Variants in TRPM3 observed in about 807,000 individuals in gnomAD.
The protein encoded by TRPM3 is transient receptor potential cation channel subfamily M member 3, also known as long transient receptor potential channel 3.
In TRPM3, 77 loss-of-function variants were observed where a neutral mutation model predicts 181.2. The observed-to-expected ratio is 0.42, with a 90% CI of 0.35 to 0.51. TRPM3 has a LOEUF of 0.51. TRPM3 is among the 20% of genes least tolerant of loss of function. TRPM3 has a pLI of 0.01. For synonymous variants in TRPM3, 745 were observed against 796.4 expected (o/e 0.94, Z 1.09); for missense variants, 1,759 against 2,196.7 (o/e 0.80, Z 3.98).
At chr9:71,371,502 A>G (rs1230820299) in intron 1 of TRPM3, among the ~76,000 whole-genome samples, 1 of 152,226 alleles carries the variant, frequency 6.6e-6, no homozygotes, top group Admixed American at 6.5e-5. Context: ...CAAGAGAACT[A>G]GAATGAGAAG....
intron 5 of TRPM3, among the ~76,000 whole-genome samples, chr9:70,829,059 A>G (rs2093732243): frequency 6.6e-6 from 1 of 152,198 alleles, no homozygotes; most frequent in African/African-American, 2.4e-5. Flanking sequence ...TAATTGCTAC[A>G]TGGTCTTAGT....
chr9:71,216,585 T>C (rs949197999), intron 1 of TRPM3, among the ~76,000 whole-genome samples: 2 of 152,238 alleles, frequency 1.3e-5, no homozygotes, highest in African/African-American at 4.8e-5. Context: ...TAGTTAATTG[T>C]TCTATAGGGC....
chr9:71,200,045 T>A (rs943315412), intron 1 of TRPM3, among the ~76,000 whole-genome samples: 1 of 152,230 alleles, frequency 6.6e-6, no homozygotes, highest in South Asian at 2.1e-4. Flanking sequence ...CTGCTTTGAA[T>A]GTGTCCCAGA....
intron 1 of TRPM3, among the ~76,000 whole-genome samples, chr9:71,182,809 G>C (rs994973729): frequency 1.3e-5 from 2 of 151,924 alleles, no homozygotes; most frequent in African/African-American, 4.8e-5. Context: ...TTACAGGCAC[G>C]CATCACCACT....
At position 70,811,102 on chromosome 9, in the gene TRPM3, T is replaced by G. The variant is rs1206610400; in HGVS notation, c.973+16745A>C. On this transcript the variant is annotated intron_variant, in intron 6 of 25. Coordinates refer to ENST00000677713, the MANE Select transcript of TRPM3 (RefSeq NM_001366145.2). Reference sequence around the variant, plus strand: ...TACTGTTAGGAAATTATAAAGGAAATGAAGACTTCTGTGGTTAATTTCTTG... The same window carrying G: ...TACTGTTAGGAAATTATAAAGGAAAGGAAGACTTCTGTGGTTAATTTCTTG... The G allele has an allele frequency of 2.4e-6, 3 of 1,255,380 alleles. No homozygotes were observed. The East Asian group carries it at 7.3e-5, about 31-fold the overall frequency. 77.8% of individuals were successfully genotyped at this position (1,255,380 alleles called of 1,614,324 possible). A position where few individuals can be genotyped will look rare whatever the true frequency, so the allele number is the denominator to read the frequency against.
At chr9:71,207,652 C>A (rs2079206796) in intron 1 of TRPM3, among the ~76,000 whole-genome samples, 1 of 152,068 alleles carries the variant, frequency 6.6e-6, no homozygotes, top group African/African-American at 2.4e-5. Context: ...ATTCTCCACA[C>A]AGTAATGAAT....
intron 1 of TRPM3, among the ~76,000 whole-genome samples, chr9:71,014,389 T>A (rs993913174): frequency 6.6e-6 from 1 of 152,102 alleles, no homozygotes. Context: ...AACTTTGATA[T>A]ACAAAAAAAT....
chr9:70,686,535 T>A (rs1202174628), intron 8 of TRPM3, among the ~76,000 whole-genome samples: 1 of 152,084 alleles, frequency 6.6e-6, no homozygotes, highest in African/African-American at 2.4e-5. Context: ...CTGAAATAAC[T>A]GTTCATAGTG....
In TRPM3 at chr9:71,295,138, C is replaced by T. The variant is rs533738074; in HGVS notation, c.183+151515G>A. 2.6e-5 allele frequency among the ~76,000 whole-genome samples: 4 copies of T among 152,128 alleles called. No homozygotes were observed. The South Asian group carries it at 8.3e-4, about 32-fold the overall frequency. ...TGTACATGTGATATATCTCATAATA[C>T]TTTTTGCAAAATGCATAACTGTATG... On this transcript the variant is annotated intron_variant, in intron 1 of 24. Coordinates refer to the TRPM3 transcript ENST00000357533.
At chr9:70,988,898 C>G (rs2097448488) in intron 1 of TRPM3, among the ~76,000 whole-genome samples, 1 of 152,114 alleles carries the variant, frequency 6.6e-6, no homozygotes, top group Non-Finnish European at 1.5e-5. Flanking sequence ...AAAAGGATTT[C>G]CTTTCCACAC....
In TRPM3 at chr9:70,531,886, C is replaced by T. The variant is rs2040927411; in HGVS notation, c.*4067G>A. The T allele has an allele frequency of 6.6e-6, 1 of 152,068 alleles. No individual in the cohort carries two copies. Among genetic ancestry groups the T allele is most frequent in the African/African-American group, 2.4e-5 (1 of 41,406 alleles). 9.4% of individuals were successfully genotyped at this position (152,068 alleles called of 1,614,324 possible). ...TGGTCCAAAGGAACATGAAAAGCAT[C>T]AAGCAGATCAGGAACAAAAATGCCC... On this transcript the variant is annotated 3_prime_UTR_variant, in exon 26 of 26. Coordinates refer to ENST00000677713, the MANE Select transcript of TRPM3 (RefSeq NM_001366145.2).
At chr9:70,618,841 A>G (rs759613147) in intron 17 of TRPM3, 26 bp downstream of exon 17, 2 of 1,595,360 alleles carry the variant, frequency 1.3e-6, no homozygotes, top group African/African-American at 2.7e-5. Context: ...CCTCATAGCC[A>G]GGAGGGCCTT....
chr9:71,140,678 C>A (rs1287559190), intron 1 of TRPM3, among the ~76,000 whole-genome samples: 1 of 152,148 alleles, frequency 6.6e-6, no homozygotes, highest in Admixed American at 6.6e-5. Flanking sequence ...TGCATTCAAA[C>A]ATTTATTGAG....
At chr9:70,616,256 A>G (rs1217016804) in intron 17 of TRPM3, among the ~76,000 whole-genome samples, 181 bp from the exon 18 acceptor site, 2 of 152,072 alleles carry the variant, frequency 1.3e-5, no homozygotes, top group Non-Finnish European at 2.9e-5. Context: ...TAACTAACAT[A>G]TTAACATATT....
At chr9:71,242,838 C>T (rs2081795850) in intron 1 of TRPM3, among the ~76,000 whole-genome samples, 2 of 152,004 alleles carry the variant, frequency 1.3e-5, no homozygotes, top group African/African-American at 2.4e-5. Context: ...TTATATCACG[C>T]CTCTGCTTAC....
intron 1 of TRPM3, among the ~76,000 whole-genome samples, chr9:70,963,232 C>G (rs2993004): frequency 2.5e-3 from 377 of 152,344 alleles, no homozygotes; most frequent in African/African-American, 8.8e-3. Context: ...TTTCTGGCAA[C>G]TGGCTGGAAG....
At chr9:71,226,009 TAAAAAAAAAA>T in intron 1 of TRPM3, among the ~76,000 whole-genome samples, 1,202 of 34,766 alleles carry the variant, frequency 0.035, 18 homozygotes, top group East Asian at 0.2. Flanking sequence ...CAACAAAAGG[TAAAAAAAAAA>T]AAAAAAAAAA....
chr9:71,337,669 T>A (rs1408435825), intron 1 of TRPM3, among the ~76,000 whole-genome samples: 1 of 152,024 alleles, frequency 6.6e-6, no homozygotes, highest in Admixed American at 6.6e-5. Context: ...ATAGCAAAGA[T>A]TTGGAACCAA....
intron 9 of TRPM3, among the ~76,000 whole-genome samples, chr9:70,644,946 C>A (rs61888670): frequency 6.6e-6 from 1 of 152,160 alleles, no homozygotes; most frequent in Non-Finnish European, 1.5e-5. Flanking sequence ...CATGAGTGAA[C>A]TCCCATTCAC....
Sources: allele counts gnomAD v4.1 joint callset (sites outside exome capture counted in the v4.1 genomes callset), GRCh38; gene constraint gnomAD v4.1.1; transcripts MANE v1.5; gene names NCBI Gene and HGNC (gene_info 2026-07-23, HGNC 2026-07-21).